Variants in ATXN7L1 observed in about 807,000 individuals in gnomAD.
ATXN7L1 encodes ataxin 7 like 1.
ATXN7L1 carries 15 observed loss-of-function variants against 70.8 expected under a neutral mutation model. The observed-to-expected ratio is 0.21, with a 90% CI of 0.14 to 0.33. The LOEUF is 0.33. Ranked by LOEUF, ATXN7L1 falls within the 10% of genes least tolerant of loss-of-function variation. The pLI is 1.00. For synonymous variants in ATXN7L1, 440 were observed against 445.1 expected, an observed-to-expected ratio of 0.99 and a Z score of 0.14; for missense variants, 975 against 1,097.1, an observed-to-expected ratio of 0.89 and a Z score of 1.57.
intron 2 of ATXN7L1, among the ~76,000 whole-genome samples, chr7:105,863,177 G>A (rs368954929): frequency 3.0e-4 from 46 of 152,194 alleles, no homozygotes; most frequent in Non-Finnish European, 5.3e-4. Flanking sequence ...CTAGATAGAC[G>A]CCCCTGGAGT....
chr7:105,855,283 T>G (rs1009376816), intron 2 of ATXN7L1, among the ~76,000 whole-genome samples: 2 of 152,208 alleles, frequency 1.3e-5, no homozygotes, highest in African/African-American at 4.8e-5. Context: ...AACTACTCCA[T>G]GCAGGCATTG....
intron 3 of ATXN7L1, among the ~76,000 whole-genome samples, chr7:105,730,004 T>C (rs1796353933): frequency 6.6e-6 from 1 of 152,236 alleles, no homozygotes; most frequent in Non-Finnish European, 1.5e-5. Context: ...CCCAAAGTGC[T>C]GGGATTACAG....
intron 3 of ATXN7L1, among the ~76,000 whole-genome samples, chr7:105,673,450 C>T (rs1159459250): frequency 6.6e-6 from 1 of 152,236 alleles, no homozygotes; most frequent in Non-Finnish European, 1.5e-5. Flanking sequence ...TGTAAGCACA[C>T]TTGGGCTTAG....
intron 3 of ATXN7L1, among the ~76,000 whole-genome samples, chr7:105,782,393 G>T (rs753716708): frequency 5.9e-5 from 9 of 152,184 alleles, no homozygotes; most frequent in Non-Finnish European, 8.8e-5. Context: ...ATCTCGTGGG[G>T]AGAAGTTTAA....
Position 105,699,078 on chromosome 7 carries a change from A to G in ATXN7L1, c.356-33790T>C, listed in dbSNP as rs188343894. ...AATTTATAATGCCAAATCTTTAAAA[A>G]GATTGTAGCCACAGTGGAACAGGGC... On this transcript the variant is annotated intron_variant, in intron 3 of 11. Coordinates refer to ENST00000419735, the MANE Select transcript of ATXN7L1 (RefSeq NM_020725.2). Among the ~76,000 whole-genome samples, 768 of 152,342 alleles carry G rather than the reference A, an allele frequency of 5.0e-3. 1 individual carries two copies. Among genetic ancestry groups the G allele is most frequent in the Middle Eastern group, 0.014 (4 of 294 alleles).
At chr7:105,759,547 G>A (rs889738252) in intron 3 of ATXN7L1, among the ~76,000 whole-genome samples, 2 of 151,768 alleles carry the variant, frequency 1.3e-5, no homozygotes, top group African/African-American at 4.8e-5. Context: ...GAAGTGGGGT[G>A]TGATCAGAGA....
At chr7:105,805,071 A>G (rs1807359145) in intron 2 of ATXN7L1, among the ~76,000 whole-genome samples, 3 of 152,256 alleles carry the variant, frequency 2.0e-5, no homozygotes, top group Admixed American at 2.0e-4. Context: ...CTAGGATGAC[A>G]ACATACACAC....
intron 2 of ATXN7L1, among the ~76,000 whole-genome samples, chr7:105,828,128 A>AG (rs1197301268): frequency 6.6e-6 from 1 of 152,198 alleles, no homozygotes; most frequent in East Asian, 1.9e-4. Flanking sequence ...ACTTGCCCCA[A>AG]GGGTCAGGGA....
At chr7:105,691,293 G>A (rs187483725) in intron 3 of ATXN7L1, among the ~76,000 whole-genome samples, 1 of 152,148 alleles carries the variant, frequency 6.6e-6, no homozygotes, top group Admixed American at 6.5e-5. Context: ...GTTTGTGAAC[G>A]ACTAAAGGAA....
chr7:105,670,903 G>A (rs543583318), intron 3 of ATXN7L1, among the ~76,000 whole-genome samples: 1 of 151,946 alleles, frequency 6.6e-6, no homozygotes, highest in African/African-American at 2.4e-5. Context: ...TCAGGAGATC[G>A]AGACCATCCT....
intron 10 of ATXN7L1, 65 bp downstream of exon 10, chr7:105,613,797 A>AG: frequency 6.4e-7 from 1 of 1,551,048 alleles, no homozygotes; most frequent in Non-Finnish European, 8.7e-7. Flanking sequence ...CCGGCTAAGC[A>AG]GGGGCGCTGC....
intron 3 of ATXN7L1, among the ~76,000 whole-genome samples, chr7:105,703,165 G>A (rs765967959): frequency 5.9e-5 from 9 of 152,114 alleles, no homozygotes; most frequent in East Asian, 1.9e-4. Flanking sequence ...TTAGCTGGGC[G>A]TGGTGGCAGG....
chr7:105,876,421 G>A lies in ATXN7L1; in HGVS notation c.138C>T (p.Pro46=). 6.2e-7 allele frequency: 1 copy of A among 1,612,988 alleles called. No homozygotes were observed. Among genetic ancestry groups the A allele is most frequent in the Non-Finnish European group, 8.5e-7 (1 of 1,179,458 alleles). The change falls in exon 1 of 12, where the codon CCC becomes CCT. Residue 46 remains proline, a synonymous_variant. Coordinates refer to ENST00000419735, the MANE Select transcript of ATXN7L1 (RefSeq NM_020725.2). The stretch of plus-strand genomic sequence containing the variant: ...TGGCGGCGTCGATCCAGGAGGACCA[G>A]GGTTTGCCCAGAAACGCCTCCGGAC... ...VPSPEAFLGK[P]WSSWIDAAKL... is the part of the protein sequence containing the mutation.
chr7:105,665,020 C>T lies in ATXN7L1; in HGVS notation c.578+46G>A, dbSNP rs933262083. The T allele has an allele frequency of 1.0e-5, 15 of 1,488,924 alleles. No individual in the cohort carries two copies. The African/African-American group carries it at 2.0e-4, about 19-fold the overall frequency. The allele number at this position is 1,488,924 out of a possible 1,614,324, so 92.2% of individuals were successfully genotyped here. On this transcript the variant is annotated intron_variant, in intron 4 of 11. Transcript: ENST00000419735. ...TACTATTTCCCCATGGTGACAGGAA[C>T]AGCAGGGGGGACAGACAGCAGCTGG...
At chr7:105,758,298 A>G (rs944144638) in intron 3 of ATXN7L1, among the ~76,000 whole-genome samples, 4 of 152,148 alleles carry the variant, frequency 2.6e-5, no homozygotes, top group Non-Finnish European at 5.9e-5. Context: ...CAATCTAAGT[A>G]TGTTACATCC....
At chr7:105,870,010 G>A (rs184132753) in intron 2 of ATXN7L1, among the ~76,000 whole-genome samples, 125 of 152,180 alleles carry the variant, frequency 8.2e-4, no homozygotes, top group African/African-American at 2.8e-3. Context: ...GGCCGGGTGC[G>A]GTGGCTCATG....
chr7:105,687,157 C>T (rs1436995155), intron 3 of ATXN7L1, among the ~76,000 whole-genome samples: 4 of 152,296 alleles, frequency 2.6e-5, no homozygotes, highest in South Asian at 2.1e-4. Flanking sequence ...TTTGACTATG[C>T]ACCCACACAG....
chr7:105,652,862 TG>T (rs1800061110), intron 4 of ATXN7L1, among the ~76,000 whole-genome samples: 2 of 152,240 alleles, frequency 1.3e-5, no homozygotes, highest in African/African-American at 4.8e-5. Context: ...TGACACCTGC[TG>T]CTCCCAGTTT....
At chr7:105,790,314 T>C (rs1003161802) in intron 2 of ATXN7L1, among the ~76,000 whole-genome samples, 1 of 152,222 alleles carries the variant, frequency 6.6e-6, no homozygotes, top group African/African-American at 2.4e-5. Context: ...ATGTGAATTA[T>C]ATCTCAGCTG....
Sources: allele counts gnomAD v4.1 joint callset (sites outside exome capture counted in the v4.1 genomes callset), GRCh38; gene constraint gnomAD v4.1.1; transcripts MANE v1.5; gene names NCBI Gene and HGNC (gene_info 2026-07-23, HGNC 2026-07-21).